Variants in MTOR observed in about 807,000 individuals in gnomAD.
The protein encoded by MTOR is mechanistic target of rapamycin kinase.
Under a neutral mutation model 319.8 loss-of-function variants are expected in MTOR, and 70 were observed. The ratio of observed to expected loss-of-function variants is 0.22; its 90% confidence interval spans 0.18 to 0.27. The LOEUF (loss-of-function observed/expected upper bound fraction) is 0.27. Ranked by LOEUF, MTOR falls within the 10% of genes least tolerant of loss-of-function variation. The pLI, the probability that MTOR is intolerant of heterozygous loss-of-function variation, is 1.00. For missense variants in MTOR, 1,890 were observed against 3,274.4 expected, an observed-to-expected ratio of 0.58 and a Z score of 10.32; for synonymous variants, 1,183 against 1,211.4, an observed-to-expected ratio of 0.98 and a Z score of 0.49.
chr1:11,238,119 T>C, intron 12 of MTOR, 71 bp from the exon 13 acceptor site: 1 of 1,423,276 alleles, frequency 7.0e-7, no homozygotes, highest in Non-Finnish European at 9.9e-7. Flanking sequence ...AGCTTCTACC[T>C]CCACTGCCAT....
At chr1:11,214,329 A>T (rs1253453459) in intron 20 of MTOR, among the ~76,000 whole-genome samples, 2 of 152,238 alleles carry the variant, frequency 1.3e-5, no homozygotes, top group African/African-American at 2.4e-5. Context: ...TATTTTCCAC[A>T]CAAGTTACTA....
rs549275208 is a variant in MTOR at position 11,221,739 on chromosome 1, T to A, written c.3031-5505A>T. ...ATAGTGTATATATACATATATATATTCTATATATATAGAAATACTCTATAT... is the reference window on the plus strand; with the variant it reads ...ATAGTGTATATATACATATATATATACTATATATATAGAAATACTCTATAT... On this transcript the variant is annotated intron_variant, in intron 19 of 57. Transcript: ENST00000361445. Among the ~76,000 whole-genome samples the A allele has an allele frequency of 2.7e-4, 40 of 146,382 alleles. 1 individual carries two copies. The South Asian group carries it at 3.4e-3, about 12-fold the overall frequency.
At chr1:11,151,365 CCA>C (rs1307699768) in intron 30 of MTOR, among the ~76,000 whole-genome samples, 1 of 152,130 alleles carries the variant, frequency 6.6e-6, no homozygotes, top group Admixed American at 6.5e-5. Context: ...GAACTGGTGG[CCA>C]TGATGCCCTA....
At chr1:11,120,426 T>C (rs538346131) in intron 49 of MTOR, among the ~76,000 whole-genome samples, 1 of 151,836 alleles carries the variant, frequency 6.6e-6, no homozygotes, top group African/African-American at 2.4e-5. Flanking sequence ...TAATCCCAGC[T>C]ACTGGGGAGG....
rs1642514009 is a variant in MTOR, at chr1:11,121,349, T to C, written c.6830A>G (p.His2277Arg). ...CTCCACCTTCTGCATCAGAGTCAAG[T>C]GGTCATAGTCCGGAGCCATCTGCAT... ...IMLRMAPDYD[H>R]LTLMQKVEVF... The change falls in exon 49 of 58, where the codon CAC becomes CGC. Residue 2277 changes from histidine to arginine, a missense_variant. This residue lies in a region of MTOR where 249 missense variants were observed against 596.2 expected (regional missense o/e 0.42). Coordinates refer to ENST00000361445, the MANE Select transcript of MTOR (RefSeq NM_004958.4). The surrounding 1 kb of genome is among the most constrained non-coding windows in gnomAD (Gnocchi z 4.9). The C allele has an allele frequency of 6.2e-7, 1 of 1,614,156 alleles. No homozygotes were observed. The highest frequency in any genetic ancestry group is 8.5e-7 in the Non-Finnish European group (1 of 1,180,020).
At chr1:11,148,846 C>A (rs1200979660) in intron 31 of MTOR, among the ~76,000 whole-genome samples, 1 of 151,516 alleles carries the variant, frequency 6.6e-6, no homozygotes, top group South Asian at 2.1e-4. Context: ...TGCAGTGAGC[C>A]GAGATCGTGC....
At chr1:11,140,394 C>T (rs774255710) in intron 34 of MTOR, among the ~76,000 whole-genome samples, 2 of 152,126 alleles carry the variant, frequency 1.3e-5, no homozygotes, top group African/African-American at 2.4e-5. Flanking sequence ...CCCTTGCATG[C>T]GCAGTTCATA....
intron 20 of MTOR, among the ~76,000 whole-genome samples, chr1:11,215,691 T>C (rs1306189254): frequency 6.6e-6 from 1 of 152,164 alleles, no homozygotes; most frequent in African/African-American, 2.4e-5. Flanking sequence ...CAAAAGGTGA[T>C]ATGTATGGTT....
chr1:11,238,549 G>T lies in MTOR; in HGVS notation c.1855C>A (p.Arg619Ser). The T allele has an allele frequency of 6.2e-7, 1 of 1,614,178 alleles. No individual in the cohort carries two copies. The highest frequency in any genetic ancestry group is 1.1e-5 in the South Asian group (1 of 91,084). ...GAGCAGGTGCGGGCAGCCTCCATGC[G>T]GATCTCCTTGTGCTCACTGTTCAGG... ...HFLNSEHKEI[R>S]MEAARTCSRL... The change falls in exon 12 of 58, where the codon CGC becomes AGC. Residue 619 changes from arginine (R) to serine (S), a missense_variant. Coordinates refer to ENST00000361445, the MANE Select transcript of MTOR (RefSeq NM_004958.4).
At chr1:11,148,728 C>G (rs1407902361) in intron 31 of MTOR, among the ~76,000 whole-genome samples, 1 of 151,910 alleles carries the variant, frequency 6.6e-6, no homozygotes, top group African/African-American at 2.4e-5. Context: ...GGTGAAACCC[C>G]GTCTCTACTA....
chr1:11,233,838 T>C (rs1647103364), intron 14 of MTOR, among the ~76,000 whole-genome samples: 1 of 152,228 alleles, frequency 6.6e-6, no homozygotes, highest in Admixed American at 6.5e-5. Context: ...AAGCTCATTT[T>C]TTCCTCATTT....
intron 15 of MTOR, chr1:11,232,914 C>T: frequency 1.5e-6 from 1 of 651,336 alleles, no homozygotes; most frequent in East Asian, 2.6e-5. Context: ...AAAAAGCCCT[C>T]TCTTCCTTTC....
chr1:11,216,938 C>T (rs1173994263), intron 19 of MTOR, among the ~76,000 whole-genome samples: 2 of 152,116 alleles, frequency 1.3e-5, no homozygotes, highest in Non-Finnish European at 2.9e-5. Flanking sequence ...TTGAAGGATT[C>T]CTGGAATTAC....
intron 30 of MTOR, among the ~76,000 whole-genome samples, chr1:11,151,808 C>G (rs1051585912): frequency 6.6e-6 from 1 of 152,214 alleles, no homozygotes; most frequent in African/African-American, 2.4e-5. Context: ...TGAACACAAG[C>G]AACTTGGATG....
Position 11,107,174 on chromosome 1 carries a change from T to C in MTOR, c.*311A>G. 7.2e-7 allele frequency: 1 copy of C among 1,384,606 alleles called. No individual in the cohort carries two copies. Among genetic ancestry groups the C allele is most frequent in the Non-Finnish European group, 9.5e-7 (1 of 1,052,620 alleles). The allele number at this position is 1,384,606 out of a possible 1,614,324, so 85.8% of individuals were successfully genotyped here. ...TACTTATGATGAGTTCTCTTGTGAGTTAAGTCAAAACCCGTATTTCTAAAG... is the reference window on the plus strand; with the variant it reads ...TACTTATGATGAGTTCTCTTGTGAGCTAAGTCAAAACCCGTATTTCTAAAG... On this transcript the variant is annotated 3_prime_UTR_variant, in exon 58 of 58. Coordinates refer to ENST00000361445, the MANE Select transcript of MTOR (RefSeq NM_004958.4).
At position 11,119,573 on chromosome 1, in the gene MTOR, GAAAAAAAAAAAAA is replaced by G. The variant is rs555425607; in HGVS notation, c.6933+1660_6933+1672del. Reference sequence around the variant, plus strand: ...GTGACAGACTGAGATTCCGTCTCGAGAAAAAAAAAAAAAAAAAAAAAAAAAAGCCGGGCATGGT... The same window carrying G: ...GTGACAGACTGAGATTCCGTCTCGAGAAAAAAAAAAAAAGCCGGGCATGGT... On this transcript the variant is annotated intron_variant, in intron 49 of 57. Transcript: ENST00000361445. Among the ~76,000 whole-genome samples the G allele has an allele frequency of 2.4e-4, 6 of 24,864 alleles. No homozygotes were observed. In the South Asian group the frequency reaches 3.7e-3, roughly 15 times the overall value. The allele number at this position is 24,864 out of a possible 152,430, so 16.3% of individuals were successfully genotyped here.
Position 11,234,131 on chromosome 1 carries a change from G to C in MTOR, c.2331+12C>G, listed in dbSNP as rs373596606. 4.3e-6 allele frequency: 7 copies of C among 1,614,038 alleles called. No individual in the cohort carries two copies. Among genetic ancestry groups the C allele is most frequent in the Middle Eastern group, 1.7e-4 (1 of 6,058 alleles). ...CGCACAGAGAAAGCACCAGCCTCTC[G>C]GTTTGTGTTACCTTCAGAATAGGCT... On this transcript the variant is annotated intron_variant, in intron 14 of 57. Coordinates refer to ENST00000361445, the MANE Select transcript of MTOR (RefSeq NM_004958.4).
At chr1:11,224,915 A>T (rs537682434) in intron 19 of MTOR, among the ~76,000 whole-genome samples, 2 of 152,342 alleles carry the variant, frequency 1.3e-5, no homozygotes, top group South Asian at 4.1e-4. Flanking sequence ...CACATGGATG[A>T]ACCTCAAAAG....
At position 11,121,928 on chromosome 1, in the gene MTOR, G is replaced by A. The variant is rs41274510; in HGVS notation, c.6810+51C>T. 41,497 of 1,604,850 alleles carry A rather than the reference G, an allele frequency of 0.026. 586 individuals carry two copies. The highest frequency in any genetic ancestry group is 0.031 in the Non-Finnish European group (36,644 of 1,174,070). On this transcript the variant is annotated intron_variant, in intron 48 of 57. Transcript: ENST00000361445. This position sits in a 1 kb window ranked among gnomAD's most constrained non-coding sequence, Gnocchi z 4.9. Reference sequence around the variant, plus strand: ...GAGGAATGAGAAAAGCAGCGCTACGGAGATTCCCTGCCACGGAAGGGGCAC... The same window carrying A: ...GAGGAATGAGAAAAGCAGCGCTACGAAGATTCCCTGCCACGGAAGGGGCAC...
Sources: gnomAD v4.1 joint callset for allele counts (sites outside exome capture counted in the v4.1 genomes callset) on GRCh38, gnomAD v4.1.1 for gene constraint, gnomAD v4.1.1 regional missense constraint, Gnocchi (gnomAD v3.1) non-coding constraint, MANE v1.5 for transcripts, NCBI Gene and HGNC (gene_info 2026-07-23, HGNC 2026-07-21) for gene names.